The following ATRNL1 variants were observed in gnomAD, a reference collection of about 807,000 sequenced individuals.
ATRNL1 encodes attractin like 1, also known as attractin-like protein 1.
Under a neutral mutation model 182.7 loss-of-function variants are expected in ATRNL1, and 95 were observed. The observed-to-expected ratio is 0.52, with a 90% confidence interval of 0.44 to 0.62. ATRNL1 has a LOEUF of 0.62. Among genes scored for constraint, ATRNL1 ranks in the 20% least tolerant of loss-of-function variants. The pLI, the probability that ATRNL1 is intolerant of heterozygous loss-of-function variation, is 0.00. For missense variants in ATRNL1, 1,471 were observed against 1,679.5 expected, an observed-to-expected ratio of 0.88 and a Z score of 2.17; for synonymous variants, 576 against 568.3, an observed-to-expected ratio of 1.01 and a Z score of -0.19.
intron 24 of ATRNL1, among the ~76,000 whole-genome samples, chr10:115,508,547 T>C (rs140603868): frequency 1.6e-3 from 236 of 152,156 alleles, no homozygotes; most frequent in African/African-American, 5.5e-3. Context: ...TGAATGCTAC[T>C]TTAGTGAACA....
intron 27 of ATRNL1, among the ~76,000 whole-genome samples, chr10:115,802,381 C>T (rs542566689): frequency 6.6e-6 from 1 of 152,260 alleles, no homozygotes; most frequent in South Asian, 2.1e-4. Flanking sequence ...ATATGTCCAT[C>T]ATACTTTTAT....
chr10:115,369,104 C>T (rs1157204072), intron 19 of ATRNL1, among the ~76,000 whole-genome samples: 1 of 151,882 alleles, frequency 6.6e-6, no homozygotes, highest in Non-Finnish European at 1.5e-5. Flanking sequence ...AAAATAATAT[C>T]CTCTAGGTTA....
chr10:115,159,644 ATTATTATAT>A (rs1554882775), intron 5 of ATRNL1, among the ~76,000 whole-genome samples: 1 of 151,592 alleles, frequency 6.6e-6, no homozygotes. Flanking sequence ...TTGGTGGTAG[ATTATTATAT>A]CCATTTGTGT....
chr10:115,484,050 T>A (rs1462650226), intron 24 of ATRNL1, among the ~76,000 whole-genome samples: 1 of 151,548 alleles, frequency 6.6e-6, no homozygotes, highest in Non-Finnish European at 1.5e-5. Flanking sequence ...CAGAGTGCCT[T>A]ATACTCCCTT....
Position 115,797,864 on chromosome 10 carries a change from T to C in ATRNL1, c.3904-50013T>C, listed in dbSNP as rs1399135259. 3.3e-5 allele frequency among the ~76,000 whole-genome samples: 5 copies of C among 152,178 alleles called. No homozygotes were observed. In the East Asian group the frequency reaches 9.7e-4, roughly 29 times the overall value. On this transcript the variant is annotated intron_variant, in intron 27 of 28. Transcript: ENST00000355044. ...CAGTGGCAGGAGCAAATGCAAATTCTTCTCAGTCAATGTTGCAAATACTTC... is the reference window on the plus strand; with the variant it reads ...CAGTGGCAGGAGCAAATGCAAATTCCTCTCAGTCAATGTTGCAAATACTTC...
At chr10:115,401,994 A>T (rs1844587773) in intron 20 of ATRNL1, among the ~76,000 whole-genome samples, 1 of 152,164 alleles carries the variant, frequency 6.6e-6, no homozygotes, top group Non-Finnish European at 1.5e-5. Flanking sequence ...TTTATCTCTT[A>T]AGAGGTATCT....
At chr10:115,489,283 T>G (rs1849178529) in intron 24 of ATRNL1, among the ~76,000 whole-genome samples, 1 of 152,180 alleles carries the variant, frequency 6.6e-6, no homozygotes, top group Non-Finnish European at 1.5e-5. Context: ...ATATCCTTGT[T>G]AATTTTCTGT....
chr10:115,267,365 A>AT (rs1363552210), intron 12 of ATRNL1, among the ~76,000 whole-genome samples: 4 of 150,774 alleles, frequency 2.7e-5, no homozygotes, highest in African/African-American at 4.8e-5. Context: ...TCCATGTGGT[A>AT]TTTTTTTTTC....
intron 26 of ATRNL1, among the ~76,000 whole-genome samples, chr10:115,693,351 G>T (rs1046416690): frequency 1.3e-5 from 2 of 152,088 alleles, no homozygotes; most frequent in Admixed American, 1.3e-4. Flanking sequence ...GCAAATATTG[G>T]CTGAGATTTA....
intron 26 of ATRNL1, among the ~76,000 whole-genome samples, chr10:115,566,072 C>T (rs762401557): frequency 6.6e-6 from 1 of 151,942 alleles, no homozygotes; most frequent in Non-Finnish European, 1.5e-5. Context: ...CAATTCTATA[C>T]GATAGCTATA....
At chr10:115,142,909 G>A (rs952531009) in intron 5 of ATRNL1, among the ~76,000 whole-genome samples, 3 of 152,126 alleles carry the variant, frequency 2.0e-5, no homozygotes, top group South Asian at 4.1e-4. Context: ...AGACAGAGTT[G>A]TCATCAACTA....
chr10:115,122,460 T>A (rs1844783183), intron 3 of ATRNL1, among the ~76,000 whole-genome samples: 2 of 152,046 alleles, frequency 1.3e-5, no homozygotes, highest in Non-Finnish European at 1.5e-5. Context: ...CATGTATAGA[T>A]TTTATATATA....
In ATRNL1 at chr10:115,855,715, A is replaced by G. The variant is rs140602297; in HGVS notation, c.4018+7724A>G. On this transcript the variant is annotated intron_variant, in intron 28 of 28. Coordinates refer to ENST00000355044, the MANE Select transcript of ATRNL1 (RefSeq NM_207303.4). ...TTTGTGTTTTTATAATTCATGTAGGATGGATCAAGCTACATATCTCAGGGA... is the reference window on the plus strand; with the variant it reads ...TTTGTGTTTTTATAATTCATGTAGGGTGGATCAAGCTACATATCTCAGGGA... 7.3e-3 allele frequency among the ~76,000 whole-genome samples: 1,106 copies of G among 152,328 alleles called. 15 individuals carry two copies. The highest frequency in any genetic ancestry group is 0.011 in the Non-Finnish European group (749 of 68,028).
intron 24 of ATRNL1, among the ~76,000 whole-genome samples, chr10:115,488,320 G>T (rs1453561908): frequency 6.6e-6 from 1 of 152,130 alleles, no homozygotes; most frequent in African/African-American, 2.4e-5. Flanking sequence ...TGGTACCTCT[G>T]GTAGAATTCG....
chr10:115,610,339 A>G (rs1374271982), intron 26 of ATRNL1, among the ~76,000 whole-genome samples: 1 of 152,192 alleles, frequency 6.6e-6, no homozygotes, highest in Non-Finnish European at 1.5e-5. Context: ...AATGAAAGCA[A>G]TTGATTTCTT....
At chr10:115,615,015 T>G (rs1430774269) in intron 26 of ATRNL1, among the ~76,000 whole-genome samples, 1 of 152,108 alleles carries the variant, frequency 6.6e-6, no homozygotes, top group Non-Finnish European at 1.5e-5. Context: ...ATTTAAAGTG[T>G]TTACATTCAA....
At chr10:115,264,799 A>G (rs782343516) in intron 10 of ATRNL1, among the ~76,000 whole-genome samples, 1 of 151,684 alleles carries the variant, frequency 6.6e-6, no homozygotes, top group Non-Finnish European at 1.5e-5. Flanking sequence ...TGACTTTTGT[A>G]TGCATACATG....
chr10:115,133,546 A>T (rs1845361168), intron 5 of ATRNL1, among the ~76,000 whole-genome samples: 1 of 152,180 alleles, frequency 6.6e-6, no homozygotes, highest in African/African-American at 2.4e-5. Context: ...AGATTCATAA[A>T]GCAAGTCCTT....
chr10:115,424,561 AAT>A (rs1258606925), intron 20 of ATRNL1, among the ~76,000 whole-genome samples: 2 of 152,198 alleles, frequency 1.3e-5, no homozygotes, highest in Non-Finnish European at 2.9e-5. Flanking sequence ...AATGGATAAA[AAT>A]ATGTCATATA....
Sources: gnomAD v4.1 joint callset for allele counts (sites outside exome capture counted in the v4.1 genomes callset) on GRCh38, gnomAD v4.1.1 for gene constraint, MANE v1.5 for transcripts, NCBI Gene and HGNC (gene_info 2026-07-23, HGNC 2026-07-21) for gene names.